The following RSPO3 variants were observed in gnomAD, a reference collection of about 807,000 sequenced individuals.
The protein encoded by RSPO3 is R-spondin 3.
RSPO3 carries 17 observed loss-of-function variants against 36.5 expected under a neutral mutation model. The ratio of observed to expected loss-of-function variants is 0.47; its 90% confidence interval spans 0.32 to 0.70. The LOEUF is 0.70. RSPO3 is among the 30% of genes least tolerant of loss of function. RSPO3 has a pLI of 0.04. For synonymous variants in RSPO3, 108 were observed against 107.0 expected, an observed-to-expected ratio of 1.01 and a Z score of -0.06; for missense variants, 294 against 322.5, an observed-to-expected ratio of 0.91 and a Z score of 0.68.
In RSPO3 at chr6:127,199,442, G is replaced by T. The variant is rs933841375; in HGVS notation, c.*3435G>T. Among the ~76,000 whole-genome samples, 1 of 151,686 alleles carries T rather than the reference G, an allele frequency of 6.6e-6. No individual in the cohort carries two copies. The highest frequency in any genetic ancestry group is 6.6e-5 in the Admixed American group (1 of 15,230). On this transcript the variant is annotated 3_prime_UTR_variant, in exon 5 of 5. Transcript: ENST00000356698. ...AATAAGTATATATGTGAGAATCATGGAAATGAAATTAATAATATTAACTAG... is the reference window on the plus strand; with the variant it reads ...AATAAGTATATATGTGAGAATCATGTAAATGAAATTAATAATATTAACTAG...
chr6:127,159,049 C>T (rs1026358733), intron 4 of RSPO3, among the ~76,000 whole-genome samples: 1 of 151,864 alleles, frequency 6.6e-6, no homozygotes. Context: ...CCAGTGGTTG[C>T]CAGGTTTTAT....
intron 1 of RSPO3, among the ~76,000 whole-genome samples, chr6:127,145,338 T>G (rs935583096): frequency 6.6e-6 from 1 of 152,162 alleles, no homozygotes; most frequent in African/African-American, 2.4e-5. Context: ...CCTCTTACCT[T>G]GACTACTACA....
intron 4 of RSPO3, among the ~76,000 whole-genome samples, chr6:127,186,029 A>G (rs1282945059): frequency 3.3e-5 from 5 of 152,130 alleles, no homozygotes; most frequent in African/African-American, 1.2e-4. Flanking sequence ...AAATCAAATG[A>G]TAAATGCCCA....
intron 4 of RSPO3, among the ~76,000 whole-genome samples, chr6:127,169,345 T>G (rs1423977468): frequency 6.6e-6 from 1 of 151,860 alleles, no homozygotes. Context: ...TCACAAACAT[T>G]ATAGGTGACA....
At chr6:127,126,482 G>T (rs1044526807) in intron 1 of RSPO3, among the ~76,000 whole-genome samples, 1 of 151,960 alleles carries the variant, frequency 6.6e-6, no homozygotes, top group Non-Finnish European at 1.5e-5. Flanking sequence ...TACTCTCTGT[G>T]TTACATAAGA....
At chr6:127,138,580 C>T (rs570592407) in intron 1 of RSPO3, among the ~76,000 whole-genome samples, 3 of 152,158 alleles carry the variant, frequency 2.0e-5, no homozygotes, top group Admixed American at 1.3e-4. Context: ...TGTCTTATAC[C>T]TATGATTTTG....
At chr6:127,148,880 G>A (rs1261986554) in intron 2 of RSPO3, 41 bp downstream of exon 2, 5 of 1,512,224 alleles carry the variant, frequency 3.3e-6, no homozygotes, top group Non-Finnish European at 4.5e-6. Context: ...CTCATCTTTG[G>A]TGACTTTTCC....
At chr6:127,158,270 A>T (rs1774632910) in intron 4 of RSPO3, among the ~76,000 whole-genome samples, 1 of 152,050 alleles carries the variant, frequency 6.6e-6, no homozygotes, top group Non-Finnish European at 1.5e-5. Flanking sequence ...TTCCCCTCAC[A>T]CTTAGGATAG....
chr6:127,122,010 G>A (rs566867211), intron 1 of RSPO3, among the ~76,000 whole-genome samples: 7 of 152,238 alleles, frequency 4.6e-5, no homozygotes, highest in African/African-American at 1.7e-4. Context: ...AAATTTAATG[G>A]TCTCTCTTGA....
chr6:127,126,766 G>A (rs1773946690), intron 1 of RSPO3, among the ~76,000 whole-genome samples: 1 of 151,440 alleles, frequency 6.6e-6, no homozygotes, highest in Non-Finnish European at 1.5e-5. Context: ...CTCTGGAAGG[G>A]ATAAAACTTG....
chr6:127,139,236 A>G (rs1043016660), intron 1 of RSPO3, among the ~76,000 whole-genome samples: 2 of 152,214 alleles, frequency 1.3e-5, no homozygotes, highest in African/African-American at 2.4e-5. Flanking sequence ...GTTTTTAAAA[A>G]TGGTATACTC....
chr6:127,173,145 CCT>C (rs143894014), intron 4 of RSPO3, among the ~76,000 whole-genome samples: 3,747 of 151,788 alleles, frequency 0.025, 133 homozygotes, highest in African/African-American at 0.083. Context: ...AAATTGAAAA[CCT>C]CTTTTTACCA....
chr6:127,146,754 G>A lies in RSPO3; in HGVS notation c.98-1894G>A, dbSNP rs528836363. Among the ~76,000 whole-genome samples the A allele has an allele frequency of 4.6e-5, 7 of 152,158 alleles. No individual in the cohort carries two copies. In the South Asian group the frequency reaches 1.5e-3, roughly 32 times the overall value. Reference sequence around the variant, plus strand: ...GTTTGAAGCACTTTTCTTTCAAGTTGAGGTCCACTCTTCTATAGACAATTC... The same window carrying A: ...GTTTGAAGCACTTTTCTTTCAAGTTAAGGTCCACTCTTCTATAGACAATTC... On this transcript the variant is annotated intron_variant, in intron 1 of 4. Transcript: ENST00000356698.
chr6:127,171,713 C>T (rs1036388147), intron 4 of RSPO3, among the ~76,000 whole-genome samples: 1 of 151,588 alleles, frequency 6.6e-6, no homozygotes, highest in Non-Finnish European at 1.5e-5. Flanking sequence ...GTCATTTATC[C>T]TTCCTCTTTT....
chr6:127,175,823 G>A (rs556199120), intron 4 of RSPO3, among the ~76,000 whole-genome samples: 27 of 151,678 alleles, frequency 1.8e-4, no homozygotes, highest in Middle Eastern at 3.4e-3. Flanking sequence ...CTTAAAGACT[G>A]GATTATTTAA....
intron 3 of RSPO3, among the ~76,000 whole-genome samples, chr6:127,151,883 T>C (rs1231513611): frequency 6.6e-6 from 1 of 152,046 alleles, no homozygotes; most frequent in African/African-American, 2.4e-5. Context: ...AGGTAATAAG[T>C]TCCAAACACT....
chr6:127,185,285 A>T (rs991343123), intron 4 of RSPO3, among the ~76,000 whole-genome samples: 1 of 152,020 alleles, frequency 6.6e-6, no homozygotes, highest in Admixed American at 6.6e-5. Flanking sequence ...ATGGGAGAAA[A>T]AGTACCTAGA....
intron 4 of RSPO3, among the ~76,000 whole-genome samples, chr6:127,170,155 T>C (rs1774907172): frequency 6.6e-6 from 1 of 151,748 alleles, no homozygotes; most frequent in Admixed American, 6.6e-5. Flanking sequence ...TTTGACTGGG[T>C]CTTGCTTTCC....
At chr6:127,194,135 T>C (rs943443348) in intron 4 of RSPO3, among the ~76,000 whole-genome samples, 1 of 152,180 alleles carries the variant, frequency 6.6e-6, no homozygotes, top group African/African-American at 2.4e-5. Context: ...GGAGACCGTA[T>C]TGGCGTAGTA....
Sources: gnomAD v4.1 joint callset for allele counts (sites outside exome capture counted in the v4.1 genomes callset) on GRCh38, gnomAD v4.1.1 for gene constraint, MANE v1.5 for transcripts, NCBI Gene and HGNC (gene_info 2026-07-23, HGNC 2026-07-21) for gene names.